XPO7: variants seen among roughly 807,000 people sequenced by gnomAD.
XPO7 encodes the protein exportin 7.
Under a neutral mutation model 144.3 loss-of-function variants are expected in XPO7, and 21 were observed. That is an observed-to-expected ratio of 0.15 (90% confidence interval 0.10 to 0.21). XPO7 has a LOEUF of 0.21. Among genes scored for constraint, XPO7 ranks in the 10% least tolerant of loss-of-function variants. The pLI is 1.00. For synonymous variants in XPO7, 580 were observed against 499.6 expected, an observed-to-expected ratio of 1.16 and a Z score of -2.15; for missense variants, 808 against 1,325.8, an observed-to-expected ratio of 0.61 and a Z score of 6.06.
intron 1 of XPO7, among the ~76,000 whole-genome samples, chr8:21,947,375 A>G (rs1239682966): frequency 6.6e-6 from 1 of 152,234 alleles, no homozygotes; most frequent in Non-Finnish European, 1.5e-5. Flanking sequence ...TTTAAAAAAG[A>G]AAAATAGAAC....
chr8:21,994,129 C>G (rs1017305631), intron 19 of XPO7, among the ~76,000 whole-genome samples: 1 of 152,156 alleles, frequency 6.6e-6, no homozygotes, highest in African/African-American at 2.4e-5. Flanking sequence ...AGCTAATTTT[C>G]TTGGCATAAC....
chr8:21,954,268 G>T (rs1296992919), intron 1 of XPO7, among the ~76,000 whole-genome samples: 1 of 152,098 alleles, frequency 6.6e-6, no homozygotes, highest in Non-Finnish European at 1.5e-5. Flanking sequence ...GTTTTAATAG[G>T]ATTCTGTACA....
intron 1 of XPO7, among the ~76,000 whole-genome samples, chr8:21,924,638 G>T (rs1238388364): frequency 6.6e-6 from 1 of 152,058 alleles, no homozygotes; most frequent in Non-Finnish European, 1.5e-5. Context: ...TCTGGTGGGG[G>T]TGGGGAGAGT....
chr8:21,941,325 T>A (rs1810985943), intron 1 of XPO7, among the ~76,000 whole-genome samples: 1 of 148,930 alleles, frequency 6.7e-6, no homozygotes, highest in South Asian at 2.1e-4. Flanking sequence ...GTTAAGAAAA[T>A]TTTTTTTTTA....
chr8:22,002,464 G>A (rs1168631837), intron 25 of XPO7, among the ~76,000 whole-genome samples, 192 bp downstream of exon 25: 1 of 152,186 alleles, frequency 6.6e-6, no homozygotes, highest in Admixed American at 6.5e-5. Context: ...AAACGCTCAG[G>A]TTCTGGATTA....
chr8:21,986,810 A>G (rs1397552177), intron 13 of XPO7, among the ~76,000 whole-genome samples: 3 of 152,232 alleles, frequency 2.0e-5, no homozygotes, highest in African/African-American at 2.4e-5. Context: ...CTCACTTATT[A>G]TGACATCTGT....
intron 1 of XPO7, among the ~76,000 whole-genome samples, chr8:21,955,941 A>G (rs1379988839): frequency 6.6e-6 from 1 of 151,748 alleles, no homozygotes; most frequent in Non-Finnish European, 1.5e-5. Context: ...GTTGGCCAGG[A>G]TGGTCTTGAT....
intron 1 of XPO7, among the ~76,000 whole-genome samples, chr8:21,958,476 A>G (rs1811610994): frequency 6.6e-6 from 1 of 152,228 alleles, no homozygotes; most frequent in African/African-American, 2.4e-5. Flanking sequence ...TATCTAACAC[A>G]CACAATTTCA....
intron 1 of XPO7, among the ~76,000 whole-genome samples, chr8:21,932,723 A>T (rs1260882150): frequency 6.6e-6 from 1 of 152,150 alleles, no homozygotes; most frequent in Non-Finnish European, 1.5e-5. Flanking sequence ...AAATGTTTAG[A>T]TGACAATTGG....
chr8:21,952,872 G>A (rs868249803), intron 1 of XPO7, among the ~76,000 whole-genome samples: 9 of 152,312 alleles, frequency 5.9e-5, no homozygotes, highest in Middle Eastern at 6.8e-3. Context: ...CCAGCATTAA[G>A]ATCAAACTGC....
chr8:21,922,372 G>C (rs1563305768), intron 1 of XPO7, among the ~76,000 whole-genome samples: 1 of 152,226 alleles, frequency 6.6e-6, no homozygotes, highest in Non-Finnish European at 1.5e-5. Flanking sequence ...TTACAGGCAA[G>C]TGTCTGTAGA....
At chr8:21,937,842 C>T (rs138131519) in intron 1 of XPO7, among the ~76,000 whole-genome samples, 50 of 152,170 alleles carry the variant, frequency 3.3e-4, no homozygotes, top group African/African-American at 9.6e-4. Context: ...AGGAATGTTA[C>T]GTAAATGAGA....
At chr8:21,932,340 A>C (rs1810679641) in intron 1 of XPO7, among the ~76,000 whole-genome samples, 1 of 152,220 alleles carries the variant, frequency 6.6e-6, no homozygotes, top group African/African-American at 2.4e-5. Context: ...GAAAACTAGC[A>C]ATCTGTGGGG....
chr8:21,968,491 T>C (rs1811955311), intron 2 of XPO7, among the ~76,000 whole-genome samples: 1 of 152,240 alleles, frequency 6.6e-6, no homozygotes, highest in South Asian at 2.1e-4. Flanking sequence ...TTTTATATAT[T>C]GCTCTTAAAT....
intron 1 of XPO7, among the ~76,000 whole-genome samples, 161 bp from the exon 2 acceptor site, chr8:21,966,696 C>A (rs575895573): frequency 6.6e-6 from 1 of 152,268 alleles, no homozygotes; most frequent in Non-Finnish European, 1.5e-5. Context: ...AATAAAGAGA[C>A]CTATAAATGG....
chr8:21,994,383 A>G lies in XPO7; in HGVS notation c.2169A>G (p.Val723=), dbSNP rs777952175. The G allele has an allele frequency of 3.7e-6, 6 of 1,612,346 alleles. No individual in the cohort carries two copies. The South Asian group carries it at 4.4e-5, about 12-fold the overall frequency. ...TACAGCGAACTCTAGTTGGCCTAGT[A>G]AGAGACCTGAGAGGGATCGCTTTCG... ...QEAKRTLVGL[V]RDLRGIAFAF... is the part of the protein sequence containing the mutation. Residue 723 remains valine (V), a synonymous_variant, in exon 20 of 28, where the codon GTA becomes GTG. Coordinates refer to ENST00000252512, the MANE Select transcript of XPO7 (RefSeq NM_015024.5).
chr8:21,984,255 C>A (rs1198289884), intron 11 of XPO7, among the ~76,000 whole-genome samples: 6 of 152,102 alleles, frequency 3.9e-5, no homozygotes, highest in African/African-American at 1.4e-4. Context: ...TTCCAAGACA[C>A]ACCTGGCCAC....
At chr8:21,994,740 G>A (rs1585479139) in intron 20 of XPO7, among the ~76,000 whole-genome samples, 1 of 152,156 alleles carries the variant, frequency 6.6e-6, no homozygotes, top group Non-Finnish European at 1.5e-5. Context: ...TATATTTAGA[G>A]AGATGTTTCA....
chr8:21,937,361 T>TA (rs1231193341), intron 1 of XPO7, among the ~76,000 whole-genome samples: 4 of 152,230 alleles, frequency 2.6e-5, no homozygotes, highest in Non-Finnish European at 5.9e-5. Context: ...TTTAATGTCT[T>TA]ACGGTAATAG....
Sources: gnomAD v4.1 joint callset for allele counts (sites outside exome capture counted in the v4.1 genomes callset) on GRCh38, gnomAD v4.1.1 for gene constraint, MANE v1.5 for transcripts, NCBI Gene and HGNC (gene_info 2026-07-23, HGNC 2026-07-21) for gene names.